LPIN1: variants seen among roughly 807,000 people sequenced by gnomAD.
LPIN1 encodes the protein phosphatidate phosphatase LPIN1.
In LPIN1, 71 loss-of-function variants were observed where a neutral mutation model predicts 107.5. That is an observed-to-expected ratio of 0.66 (90% CI 0.55 to 0.80). LPIN1 has a LOEUF of 0.80. Ranked by LOEUF, LPIN1 falls within the 30% of genes least tolerant of loss-of-function variation. The pLI, the probability that LPIN1 is intolerant of heterozygous loss-of-function variation, is 0.00. For synonymous variants in LPIN1, 445 were observed against 452.6 expected, an observed-to-expected ratio of 0.98 and a Z score of 0.21; for missense variants, 1,043 against 1,160.6, an observed-to-expected ratio of 0.90 and a Z score of 1.47.
chr2:11,746,768 T>A, intron 1 of LPIN1, 97 bp downstream of exon 1: 1 of 604,368 alleles, frequency 1.7e-6, no homozygotes, highest in Non-Finnish European at 2.1e-6. Flanking sequence ...TGAGGACGCG[T>A]GGCGAGGCGG....
At chr2:11,736,378 A>G (rs1665794397) in intron 1 of LPIN1, among the ~76,000 whole-genome samples, 1 of 152,196 alleles carries the variant, frequency 6.6e-6, no homozygotes, top group South Asian at 2.1e-4. Flanking sequence ...TGGCTTGCAG[A>G]CAGCTGCCTT....
chr2:11,761,247 G>A (rs111754259), intron 1 of LPIN1, among the ~76,000 whole-genome samples: 2 of 152,278 alleles, frequency 1.3e-5, no homozygotes, highest in South Asian at 2.1e-4. Context: ...GAAGTATTAG[G>A]GTTACAAAGA....
chr2:11,706,776 T>C (rs191907097), intron 1 of LPIN1, among the ~76,000 whole-genome samples: 1 of 152,262 alleles, frequency 6.6e-6, no homozygotes, highest in African/African-American at 2.4e-5. Flanking sequence ...CTTACCCTCT[T>C]GGAGCGTGGG....
At chr2:11,814,247 G>A (rs927601284) in intron 17 of LPIN1, among the ~76,000 whole-genome samples, 1 of 152,138 alleles carries the variant, frequency 6.6e-6, no homozygotes, top group African/African-American at 2.4e-5. Flanking sequence ...AGCCCCCGAG[G>A]CAGATGCTAC....
Position 11,787,071 on chromosome 2 carries a change from C to T in LPIN1, c.1550-3C>T. On this transcript the variant is annotated splice_region_variant and splice_polypyrimidine_tract_variant and intron_variant, in intron 10 of 20. Coordinates refer to ENST00000674199, the MANE Select transcript of LPIN1 (RefSeq NM_001349206.2). ...CCCTGATCCTCTGCAATTGCTGTCA[C>T]AGATGCATTCCTGGAGCAAGCTGTG... The T allele has an allele frequency of 2.5e-6, 4 of 1,610,044 alleles. No homozygotes were observed. The South Asian group carries it at 4.4e-5, about 18-fold the overall frequency.
At chr2:11,766,913 A>G (rs755516956) in intron 2 of LPIN1, among the ~76,000 whole-genome samples, 38 of 152,190 alleles carry the variant, frequency 2.5e-4, no homozygotes, top group Non-Finnish European at 2.5e-4. Flanking sequence ...GGTATGAGGA[A>G]GCCTGTCCTA....
intron 9 of LPIN1, chr2:11,784,628 G>A (rs910052072): frequency 2.5e-5 from 14 of 560,684 alleles, no homozygotes; most frequent in Non-Finnish European, 4.5e-5. Flanking sequence ...GGAACAGGGA[G>A]GACAGCTTGC....
intron 1 of LPIN1, among the ~76,000 whole-genome samples, chr2:11,752,454 C>T (rs1456436574): frequency 2.4e-5 from 1 of 41,162 alleles, no homozygotes; most frequent in African/African-American, 5.9e-4. Flanking sequence ...TTTTTTGAGA[C>T]GGAGTCTCGC....
intron 1 of LPIN1, among the ~76,000 whole-genome samples, chr2:11,735,120 C>T (rs541297609): frequency 2.0e-5 from 3 of 152,042 alleles, no homozygotes; most frequent in Admixed American, 6.6e-5. Context: ...GGTGAAACCC[C>T]GTCTCTACTA....
At chr2:11,712,714 T>G (rs1663493044) in intron 1 of LPIN1, among the ~76,000 whole-genome samples, 1 of 152,178 alleles carries the variant, frequency 6.6e-6, no homozygotes, top group Non-Finnish European at 1.5e-5. Flanking sequence ...CTGGGGCTGT[T>G]TATTCTGGGC....
At chr2:11,805,460 G>A (rs1311513633) in intron 17 of LPIN1, 2 of 500,700 alleles carry the variant, frequency 4.0e-6, no homozygotes, top group South Asian at 2.2e-5. Context: ...CCCGAGGGAT[G>A]GCAGAGGTAG....
intron 14 of LPIN1, 85 bp from the exon 15 acceptor site, chr2:11,802,822 T>C: frequency 6.6e-7 from 1 of 1,510,350 alleles, no homozygotes; most frequent in Non-Finnish European, 9.1e-7. Flanking sequence ...CTGGATTGAC[T>C]TAGTCATTGA....
intron 15 of LPIN1, among the ~76,000 whole-genome samples, chr2:11,804,147 T>A (rs1291488217): frequency 6.6e-6 from 1 of 152,082 alleles, no homozygotes; most frequent in East Asian, 1.9e-4. Flanking sequence ...AAATACTTGA[T>A]CAAATTAGCA....
chr2:11,740,685 A>G (rs1342237737), intron 1 of LPIN1, among the ~76,000 whole-genome samples: 6 of 24,230 alleles, frequency 2.5e-4, no homozygotes, highest in South Asian at 6.6e-4. Flanking sequence ...CTCTATCTCG[A>G]AAAAAAAAAA....
rs1006538 is a variant in LPIN1, at chr2:11,765,191, T to C, written c.-9-342T>C. On this transcript the variant is annotated intron_variant, in intron 1 of 20. Transcript: ENST00000674199. The surrounding 1 kb of genome is among the most constrained non-coding windows in gnomAD (Gnocchi z 4.4). ...CGGGCCGTGATGGACCCTGATGGGCTGTGATGGTCCGTGATGGGCCATGAT... is the reference window on the plus strand; with the variant it reads ...CGGGCCGTGATGGACCCTGATGGGCCGTGATGGTCCGTGATGGGCCATGAT... Among the ~76,000 whole-genome samples the C allele has an allele frequency of 0.31, 45,852 of 150,010 alleles. 8,220 individuals are homozygous for C. The highest frequency in any genetic ancestry group is 0.41 in the Non-Finnish European group (27,438 of 67,574).
At chr2:11,743,605 C>T (rs959087875), upstream of LPIN1, among the ~76,000 whole-genome samples, 4 of 152,178 alleles carry the variant, frequency 2.6e-5, no homozygotes, top group East Asian at 1.9e-4. The surrounding 1 kb of genome is among the most constrained non-coding windows in gnomAD (Gnocchi z 4.7). Flanking sequence ...CCTTAGACCC[C>T]GAGGAGATGC....
At chr2:11,695,428 G>T (rs377193650) in intron 1 of LPIN1, among the ~76,000 whole-genome samples, 9 of 152,254 alleles carry the variant, frequency 5.9e-5, no homozygotes, top group African/African-American at 1.4e-4. Context: ...GGAGTTGCAG[G>T]GGGAGGAAAA....
intron 1 of LPIN1, among the ~76,000 whole-genome samples, chr2:11,704,155 A>G (rs1052595679): frequency 6.6e-5 from 10 of 152,252 alleles, no homozygotes; most frequent in South Asian, 2.1e-4. Context: ...TCAGAAGATG[A>G]AGAATGTCAC....
chr2:11,801,039 C>A (rs1265467806), intron 14 of LPIN1, among the ~76,000 whole-genome samples: 1 of 152,148 alleles, frequency 6.6e-6, no homozygotes, highest in Non-Finnish European at 1.5e-5. Flanking sequence ...AAGTGCAAAT[C>A]AAAACCACAG....
Sources: gnomAD v4.1 joint callset for allele counts (sites outside exome capture counted in the v4.1 genomes callset) on GRCh38, gnomAD v4.1.1 for gene constraint, Gnocchi (gnomAD v3.1) non-coding constraint, MANE v1.5 for transcripts, NCBI Gene and HGNC (gene_info 2026-07-23, HGNC 2026-07-21) for gene names.